Variants in CACNA2D1 observed in about 807,000 individuals in gnomAD.
CACNA2D1 encodes calcium voltage-gated channel auxiliary subunit alpha2delta 1, also known as voltage-dependent calcium channel subunit alpha-2/delta-1.
Under a neutral mutation model 171.5 loss-of-function variants are expected in CACNA2D1, and 53 were observed. That is an observed-to-expected ratio of 0.31 (90% CI 0.25 to 0.39). The LOEUF is 0.39. Among genes scored for constraint, CACNA2D1 ranks in the 10% least tolerant of loss-of-function variants. The pLI is 1.00. For synonymous variants in CACNA2D1, 442 were observed against 443.1 expected (o/e 1.00, Z 0.03); for missense variants, 903 against 1,299.8 (o/e 0.69, Z 4.69).
Position 82,443,480 on chromosome 7 carries a change from G to GC in CACNA2D1, c.-22dup, listed in dbSNP as rs1303137101. 3.7e-6 allele frequency: 6 copies of GC among 1,604,530 alleles called. No homozygotes were observed. The highest frequency in any genetic ancestry group is 4.3e-6 in the Non-Finnish European group (5 of 1,175,392). Reference sequence around the variant, plus strand: ...GCCATCTTCGCGATCGAAGATCAATGCCCCCTCCCTGCCCAAGCGGGGGAA... The same window carrying GC: ...GCCATCTTCGCGATCGAAGATCAATGCCCCCCTCCCTGCCCAAGCGGGGGAA... On this transcript the variant is annotated 5_prime_UTR_variant, in exon 1 of 39. Coordinates refer to ENST00000356860, the MANE Select transcript of CACNA2D1 (RefSeq NM_000722.4).
At chr7:82,011,172 C>A (rs1419112758) in intron 15 of CACNA2D1, among the ~76,000 whole-genome samples, 3 of 152,112 alleles carry the variant, frequency 2.0e-5, no homozygotes, top group Admixed American at 2.0e-4. Flanking sequence ...TGGCCTCTGT[C>A]CACTCAGGGG....
intron 3 of CACNA2D1, among the ~76,000 whole-genome samples, chr7:82,317,759 C>T (rs1815295130): frequency 6.6e-6 from 1 of 151,852 alleles, no homozygotes; most frequent in Non-Finnish European, 1.5e-5. Flanking sequence ...AGACATTTGG[C>T]GTCATTTAAA....
At chr7:81,984,010 A>G (rs1410730481) in intron 22 of CACNA2D1, among the ~76,000 whole-genome samples, 2 of 152,184 alleles carry the variant, frequency 1.3e-5, no homozygotes, top group Non-Finnish European at 2.9e-5. Flanking sequence ...AAAATAAACA[A>G]TAACTTGAAG....
intron 3 of CACNA2D1, among the ~76,000 whole-genome samples, chr7:82,174,686 C>T (rs1332433229): frequency 2.0e-5 from 3 of 152,056 alleles, no homozygotes; most frequent in African/African-American, 7.2e-5. Context: ...AAAAAATCCC[C>T]AGCAAGGTTT....
At position 82,212,044 on chromosome 7, in the gene CACNA2D1, T is replaced by C. The variant is rs566182199; in HGVS notation, c.295-41435A>G. The stretch of plus-strand genomic sequence containing the variant: ...TATATCTTCTTTTGGGAAGTGTCTG[T>C]TCATGCCCTTTGCCCATTTTTTAAT... On this transcript the variant is annotated intron_variant, in intron 3 of 38. Transcript: ENST00000356860. Among the ~76,000 whole-genome samples, 9 of 152,322 alleles carry C rather than the reference T, an allele frequency of 5.9e-5. No homozygotes were observed. The East Asian group carries it at 1.5e-3, about 26-fold the overall frequency.
chr7:82,317,363 CGT>C (rs1008307598), intron 3 of CACNA2D1, among the ~76,000 whole-genome samples: 5 of 152,114 alleles, frequency 3.3e-5, no homozygotes, highest in African/African-American at 7.2e-5. Flanking sequence ...GGATAATTCC[CGT>C]GTGTGTGTAC....
intron 3 of CACNA2D1, among the ~76,000 whole-genome samples, chr7:82,217,175 CT>C (rs1196869484): frequency 2.0e-5 from 3 of 151,666 alleles, no homozygotes; most frequent in East Asian, 1.9e-4. Context: ...TCTCAAGCAC[CT>C]TTTTCCTGGA....
intron 1 of CACNA2D1, among the ~76,000 whole-genome samples, chr7:82,363,931 G>A (rs923794487): frequency 3.3e-5 from 5 of 152,052 alleles, no homozygotes; most frequent in African/African-American, 1.2e-4. Flanking sequence ...AAAGGAATAT[G>A]ATTCAAAAAG....
intron 4 of CACNA2D1, among the ~76,000 whole-genome samples, chr7:82,146,331 T>C (rs1455957242): frequency 6.8e-6 from 1 of 147,216 alleles, no homozygotes; most frequent in Non-Finnish European, 1.5e-5. Flanking sequence ...TGTGTGCGTG[T>C]GTGTGTGTGT....
At chr7:82,066,415 T>TTTATCTTTTC (rs1807611586) in intron 8 of CACNA2D1, 40 bp downstream of exon 8, 1 of 1,608,936 alleles carries the variant, frequency 6.2e-7, no homozygotes, top group Non-Finnish European at 8.5e-7. Flanking sequence ...TATATCTTCT[T>TTTATCTTTTC]GCCTATTTTA....
intron 20 of CACNA2D1, among the ~76,000 whole-genome samples, chr7:81,993,842 G>T (rs1201021540): frequency 6.6e-6 from 1 of 151,970 alleles, no homozygotes; most frequent in Non-Finnish European, 1.5e-5. Flanking sequence ...TAAATTGAAG[G>T]AAGAAAAATA....
chr7:82,138,985 C>G (rs1418126749), intron 4 of CACNA2D1, among the ~76,000 whole-genome samples: 1 of 152,112 alleles, frequency 6.6e-6, no homozygotes, highest in East Asian at 1.9e-4. Context: ...CTTATATTAA[C>G]AGAATGGGAA....
At chr7:82,172,189 G>A (rs1401397055) in intron 3 of CACNA2D1, among the ~76,000 whole-genome samples, 4 of 151,950 alleles carry the variant, frequency 2.6e-5, no homozygotes. Context: ...GTTAGAAATT[G>A]TACCACATAG....
chr7:82,406,383 T>C (rs1392981184), intron 1 of CACNA2D1, among the ~76,000 whole-genome samples: 1 of 152,198 alleles, frequency 6.6e-6, no homozygotes, highest in African/African-American at 2.4e-5. Context: ...AGCAGCATGA[T>C]TTATAATCCT....
chr7:82,362,960 G>C (rs1821238099), intron 1 of CACNA2D1, among the ~76,000 whole-genome samples: 1 of 152,108 alleles, frequency 6.6e-6, no homozygotes, highest in Non-Finnish European at 1.5e-5. Flanking sequence ...CAAACTGTCA[G>C]AAAGTTCTGC....
chr7:82,053,750 C>G (rs771942297), intron 10 of CACNA2D1, among the ~76,000 whole-genome samples: 1 of 152,128 alleles, frequency 6.6e-6, no homozygotes, highest in Non-Finnish European at 1.5e-5. Flanking sequence ...TACTTTTCTG[C>G]CCTGTTTATG....
At chr7:82,292,381 A>G (rs1811753939) in intron 3 of CACNA2D1, among the ~76,000 whole-genome samples, 3 of 151,854 alleles carry the variant, frequency 2.0e-5, no homozygotes, top group African/African-American at 7.3e-5. Flanking sequence ...TTCGTTTCCA[A>G]TTTCCTGTTT....
intron 7 of CACNA2D1, among the ~76,000 whole-genome samples, chr7:82,074,916 G>T (rs1228633021): frequency 6.6e-6 from 1 of 151,866 alleles, no homozygotes; most frequent in Non-Finnish European, 1.5e-5. Context: ...ACAATGTGCA[G>T]GTTTGTTACA....
intron 24 of CACNA2D1, among the ~76,000 whole-genome samples, chr7:81,980,172 CAAAAAAAAAAAAA>C (rs35616922): frequency 0.027 from 674 of 25,306 alleles, 16 homozygotes; most frequent in Middle Eastern, 0.15. Flanking sequence ...TAAAACCAAG[CAAAAAAAAAAAAA>C]AAAAAAAAAA....
Sources: allele counts gnomAD v4.1 joint callset (sites outside exome capture counted in the v4.1 genomes callset), GRCh38; gene constraint gnomAD v4.1.1; transcripts MANE v1.5; gene names NCBI Gene and HGNC (gene_info 2026-07-23, HGNC 2026-07-21).